The following ABHD1 variants were observed in gnomAD, a reference collection of about 807,000 sequenced individuals.
The protein encoded by ABHD1 is abhydrolase domain containing 1.
In ABHD1, 47 loss-of-function variants were observed where a neutral mutation model predicts 41.4. The observed-to-expected ratio is 1.13, with a 90% CI of 0.90 to 1.45. The LOEUF (loss-of-function observed/expected upper bound fraction) is 1.45, where lower values mean the gene tolerates loss of function less well. Ranked by LOEUF, ABHD1 falls within the 40% of genes most tolerant of loss-of-function variation. The pLI, the probability that ABHD1 is intolerant of heterozygous loss-of-function variation, is 0.00. For synonymous variants in ABHD1, 205 were observed against 203.7 expected, an observed-to-expected ratio of 1.01 and a Z score of -0.05; for missense variants, 550 against 503.4, an observed-to-expected ratio of 1.09 and a Z score of -0.89.
rs1672183456 is a variant in ABHD1, at chr2:27,130,356, G to A, written c.946G>A (p.Ala316Thr). The A allele has an allele frequency of 1.2e-6, 2 of 1,614,160 alleles. No individual in the cohort carries two copies. Among genetic ancestry groups the A allele is most frequent in the East Asian group, 4.5e-5 (2 of 44,886 alleles). ...AGCAAGCCCTAGAACCAAGATAGATGCCATCCGGATCCCTGTGCTCTATCT... is the reference window on the plus strand; with the variant it reads ...AGCAAGCCCTAGAACCAAGATAGATACCATCCGGATCCCTGTGCTCTATCT... ...KAASPRTKID[A>T]IRIPVLYLSA... The change falls in exon 8 of 9, where the codon GCC becomes ACC. Residue 316 changes from alanine to threonine, a missense_variant. Coordinates refer to ENST00000316470, the MANE Select transcript of ABHD1 (RefSeq NM_032604.4).
chr2:27,129,284 G>A (rs1672113564), intron 3 of ABHD1, 32 bp from the exon 4 acceptor site: 2 of 1,613,660 alleles, frequency 1.2e-6, no homozygotes, highest in Non-Finnish European at 1.7e-6. Context: ...GCTAAGAAGG[G>A]TCTGGCTAAG....
In ABHD1 at chr2:27,128,944, G is replaced by C; in HGVS notation, c.276-1G>C. On this transcript the variant is annotated splice_acceptor_variant, in intron 2 of 8. Coordinates refer to ENST00000316470, the MANE Select transcript of ABHD1 (RefSeq NM_032604.4). LOFTEE classifies it high-confidence loss of function. ...TTGTGTGCCTCTTCCTCCAAAACCA[G>C]TGACATCCTCCAAACACCAGATGGA... 6.2e-7 allele frequency: 1 copy of C among 1,612,010 alleles called. No homozygotes were observed. Among genetic ancestry groups the C allele is most frequent in the Non-Finnish European group, 8.5e-7 (1 of 1,179,234 alleles).
chr2:27,129,125 C>G lies in ABHD1; in HGVS notation c.456C>G (p.Tyr152Ter), dbSNP rs1672104508. The G allele has an allele frequency of 6.2e-7, 1 of 1,612,156 alleles. No individual in the cohort carries two copies. Among genetic ancestry groups the G allele is most frequent in the South Asian group, 1.1e-5 (1 of 90,942 alleles). Residue 152 changes from tyrosine to a stop codon, truncating the protein, a stop_gained and splice_region_variant, in exon 3 of 9, where the codon TAC (tyrosine) becomes TAG (stop). Transcript: ENST00000316470. LOFTEE classifies it high-confidence loss of function. Reference sequence around the variant, plus strand: ...TTAACCAAGCTCTGAGGGATGGCTACCAGTAAGGATGGGTGCAGCCCCAGA... The same window carrying G: ...TTAACCAAGCTCTGAGGGATGGCTAGCAGTAAGGATGGGTGCAGCCCCAGA... ...HLVNQALRDG[Y>*]QAVVFNNRGC...
At chr2:27,127,898 A>C (rs1672039239) in intron 1 of ABHD1, among the ~76,000 whole-genome samples, 1 of 152,086 alleles carries the variant, frequency 6.6e-6, no homozygotes, top group Non-Finnish European at 1.5e-5. Context: ...CTGAAGATTG[A>C]ATGGTGCTGC....
chr2:27,129,388 C>T (rs369710265), intron 4 of ABHD1, 27 bp downstream of exon 4: 1 of 1,613,748 alleles, frequency 6.2e-7, no homozygotes, highest in African/African-American at 1.3e-5. Context: ...CTCATAGCAG[C>T]CCTTCACCCA....
rs190083760 is a variant in ABHD1 at position 27,130,052 on chromosome 2, G to C, written c.792-53G>C. On this transcript the variant is annotated intron_variant, in intron 6 of 8. Transcript: ENST00000316470. Reference sequence around the variant, plus strand: ...ACATGAGATAGTAAGACAGGGCCTGGGGGTGGGGGATCAGATCCAGGTGTC... The same window carrying C: ...ACATGAGATAGTAAGACAGGGCCTGCGGGTGGGGGATCAGATCCAGGTGTC... 41 of 1,612,632 alleles carry C rather than the reference G, an allele frequency of 2.5e-5. No individual in the cohort carries two copies. In the East Asian group the frequency reaches 8.7e-4, roughly 34 times the overall value.
chr2:27,123,978 T>A lies in ABHD1; in HGVS notation c.30T>A (p.Asn10Lys). Residue 10 changes from asparagine to lysine, a missense_variant, in exon 1 of 9, where the codon AAT (asparagine) becomes AAA (lysine). Physicochemically the swap from Asn to Lys is moderately conservative, Grantham distance 94 (BLOSUM62 0). Transcript: ENST00000316470. MLSSFLSPQ[N>K]GTWADTFSLL... ...TGAGCTCCTTCCTGAGCCCCCAGAATGGCACCTGGGCAGACACCTTCTCTC... is the reference window on the plus strand; with the variant it reads ...TGAGCTCCTTCCTGAGCCCCCAGAAAGGCACCTGGGCAGACACCTTCTCTC... 1 of 1,614,250 alleles carries A rather than the reference T, an allele frequency of 6.2e-7. No homozygotes were observed. Among genetic ancestry groups the A allele is most frequent in the Non-Finnish European group, 8.5e-7 (1 of 1,180,028 alleles).
chr2:27,130,472 G>C, intron 8 of ABHD1, 56 bp downstream of exon 8: 3 of 1,611,672 alleles, frequency 1.9e-6, no homozygotes, highest in South Asian at 1.1e-5. Context: ...CATGAGGGAC[G>C]CAACAGACAG....
Position 27,128,614 on chromosome 2 carries a change from A to G in ABHD1, c.275+13A>G, listed in dbSNP as rs1672075998. ...TCCTTTATCAGAGGTAAGAAGGGAC[A>G]GAACAGGGTGAACATGAAACCCCAG... On this transcript the variant is annotated intron_variant, in intron 2 of 8. Transcript: ENST00000316470. 6.2e-7 allele frequency: 1 copy of G among 1,612,508 alleles called. No homozygotes were observed. The highest frequency in any genetic ancestry group is 8.5e-7 in the Non-Finnish European group (1 of 1,178,610).
rs141754208 is a variant in ABHD1 at position 27,130,636 on chromosome 2, C to A, written c.1110C>A (p.His370Gln). Residue 370 changes from histidine (H) to glutamine (Q), a missense_variant, in exon 9 of 9, where the codon CAC (histidine) becomes CAA (glutamine). Physicochemically the swap from His to Gln is conservative, Grantham distance 24 (BLOSUM62 0). Transcript: ENST00000316470. Reference protein sequence around the residue: ...GFLEGLLPWQHWYMSRLLHQY... With the variant: ...GFLEGLLPWQQWYMSRLLHQY... ...TGGAAGGGCTGCTCCCGTGGCAGCA[C>A]TGGTACATGAGCCGCCTCTTGCATC... 18 of 1,614,106 alleles carry A rather than the reference C, an allele frequency of 1.1e-5. No homozygotes were observed. Among genetic ancestry groups the A allele is most frequent in the Non-Finnish European group, 1.4e-5 (17 of 1,180,040 alleles).
In ABHD1 at chr2:27,124,087, C is replaced by T. The variant is rs753563733; in HGVS notation, c.114+25C>T. The T allele has an allele frequency of 5.0e-6, 8 of 1,605,670 alleles. No individual in the cohort carries two copies. In the African/African-American group the frequency reaches 1.1e-4, roughly 21 times the overall value. On this transcript the variant is annotated intron_variant, in intron 1 of 8. Transcript: ENST00000316470. The stretch of plus-strand genomic sequence containing the variant: ...GGTGGGTGCGGGTCCACCGCTCTGG[C>T]CAGCGGGTTTGGGTGTAGGGGGCAG...
chr2:27,128,675 T>C, intron 2 of ABHD1, 74 bp downstream of exon 2: 1 of 1,577,420 alleles, frequency 6.3e-7, no homozygotes, highest in Non-Finnish European at 8.7e-7. Flanking sequence ...ACTTTTAAAA[T>C]GTAGGTAATC....
At chr2:27,128,353 AG>A in intron 1 of ABHD1, 87 bp from the exon 2 acceptor site, 1 of 1,572,332 alleles carries the variant, frequency 6.4e-7, no homozygotes, top group Middle Eastern at 2.2e-4. Flanking sequence ...GGCTCTGGAG[AG>A]GGGGCCCCCT....
rs776615298 is a variant in ABHD1, at chr2:27,129,936, G to A, written c.791+9G>A. On this transcript the variant is annotated intron_variant, in intron 6 of 8. Coordinates refer to ENST00000316470, the MANE Select transcript of ABHD1 (RefSeq NM_032604.4). ...TGCCAACTTGTGGAACGGTAGGGTC[G>A]TGGCAAGTGGGAGGAGGCAGTAGAC... 16 of 1,613,686 alleles carry A rather than the reference G, an allele frequency of 9.9e-6. No homozygotes were observed. Among genetic ancestry groups the A allele is most frequent in the Admixed American group, 3.3e-5 (2 of 59,978 alleles).
intron 2 of ABHD1, 69 bp downstream of exon 2, chr2:27,128,670 TA>T: frequency 6.3e-7 from 1 of 1,584,148 alleles, no homozygotes; most frequent in Non-Finnish European, 8.6e-7. Context: ...CTACCACTTT[TA>T]AAATGTAGGT....
Position 27,123,897 on chromosome 2 carries a change from C to T in ABHD1, c.-52C>T, listed in dbSNP as rs1164107713. 4 of 1,519,816 alleles carry T rather than the reference C, an allele frequency of 2.6e-6. No homozygotes were observed. Among genetic ancestry groups the T allele is most frequent in the Non-Finnish European group, 3.6e-6 (4 of 1,102,752 alleles). The allele number at this position is 1,519,816 out of a possible 1,614,324, so 94.1% of individuals were successfully genotyped here. A position where few individuals can be genotyped will look rare whatever the true frequency, so the allele number is the denominator to read the frequency against. On this transcript the variant is annotated 5_prime_UTR_variant, in exon 1 of 9. Transcript: ENST00000316470. Reference sequence around the variant, plus strand: ...GGCGGGTGGGACCGCGAGTTACAGCCGGCCAACTGGGGCCAGCCAGGAGCC... The same window carrying T: ...GGCGGGTGGGACCGCGAGTTACAGCTGGCCAACTGGGGCCAGCCAGGAGCC...
At position 27,130,301 on chromosome 2, in the gene ABHD1, A is replaced by G. The variant is rs968039173; in HGVS notation, c.891A>G (p.Gly297=). 4 of 1,614,104 alleles carry G rather than the reference A, an allele frequency of 2.5e-6. No individual in the cohort carries two copies. The highest frequency in any genetic ancestry group is 2.2e-5 in the East Asian group (1 of 44,882). Residue 297 remains glycine (G), a synonymous_variant, in exon 8 of 9, where the codon GGA becomes GGG. Coordinates refer to ENST00000316470, the MANE Select transcript of ABHD1 (RefSeq NM_032604.4). ...AGCGCTACACATCTGTGGCCTTTGGATATCAAGACTGTGTTACCTACTACA... is the reference window on the plus strand; with the variant it reads ...AGCGCTACACATCTGTGGCCTTTGGGTATCAAGACTGTGTTACCTACTACA... The part of the protein sequence containing the change: ...FDERYTSVAF[G]YQDCVTYYKA...
chr2:27,130,512 T>C, intron 8 of ABHD1, 21 bp from the exon 9 acceptor site: 1 of 1,612,620 alleles, frequency 6.2e-7, no homozygotes, highest in Non-Finnish European at 8.5e-7. Flanking sequence ...CCAGTGTTTC[T>C]AACCTCTGAC....
chr2:27,130,248 C>A lies in ABHD1; in HGVS notation c.841-3C>A, dbSNP rs573040595. 3.1e-6 allele frequency: 5 copies of A among 1,614,080 alleles called. No individual in the cohort carries two copies. The highest frequency in any genetic ancestry group is 4.2e-6 in the Non-Finnish European group (5 of 1,180,044). The stretch of plus-strand genomic sequence containing the variant: ...TTAGCCTATCCTATGGTAAGACCTG[C>A]AGGCCCGTACAATCCGCCAGTTTGA... On this transcript the variant is annotated splice_polypyrimidine_tract_variant and splice_region_variant and intron_variant, in intron 7 of 8. Transcript: ENST00000316470.
Sources: gnomAD v4.1 joint callset for allele counts (sites outside exome capture counted in the v4.1 genomes callset) on GRCh38, gnomAD v4.1.1 for gene constraint, MANE v1.5 for transcripts, NCBI Gene and HGNC (gene_info 2026-07-23, HGNC 2026-07-21) for gene names.